FGF5: variants seen among roughly 807,000 people sequenced by gnomAD.
FGF5 encodes fibroblast growth factor 5, also known as heparin-binding growth factor 5.
A neutral mutation model predicts 21.8 loss-of-function variants in FGF5; 23 were observed. The ratio of observed to expected loss-of-function variants is 1.05; its 90% CI spans 0.76 to 1.49. The LOEUF is 1.49. Among genes scored for constraint, FGF5 ranks in the 40% most tolerant of loss-of-function variants. The pLI is 0.00. For missense variants in FGF5, 352 were observed against 332.9 expected, an observed-to-expected ratio of 1.06 and a Z score of -0.45; for synonymous variants, 158 against 124.0, an observed-to-expected ratio of 1.27 and a Z score of -1.82.
Position 80,290,910 on chromosome 4 carries a change from T to C in FGF5, c.*4238T>C, listed in dbSNP as rs1720887356. The C allele has an allele frequency of 6.6e-6, 1 of 152,224 alleles. No individual in the cohort carries two copies. Among genetic ancestry groups the C allele is most frequent in the South Asian group, 2.1e-4 (1 of 4,824 alleles). The allele number at this position is 152,224 out of a possible 1,614,324, so 9.4% of individuals were successfully genotyped here. ...TGCATAGTATTCCATGGTGTATATG[T>C]GCCACATTTTCTTAATCCAGTCTAT... is the stretch of plus-strand genomic sequence containing the variant. On this transcript the variant is annotated 3_prime_UTR_variant, in exon 3 of 3. Coordinates refer to ENST00000312465, the MANE Select transcript of FGF5 (RefSeq NM_004464.4).
chr4:80,269,984 G>T lies in FGF5; in HGVS notation c.355+2805G>T, dbSNP rs35362852. ...AGCTGTAAAAGAGAAACAGAAACTTGCTAATTACAATTGGTCATTTACCTC... is the reference window on the plus strand; with the variant it reads ...AGCTGTAAAAGAGAAACAGAAACTTTCTAATTACAATTGGTCATTTACCTC... On this transcript the variant is annotated intron_variant, in intron 1 of 2. Transcript: ENST00000312465. Among the ~76,000 whole-genome samples, 192 of 152,324 alleles carry T rather than the reference G, an allele frequency of 1.3e-3. 1 individual carries two copies. The highest frequency in any genetic ancestry group is 3.4e-3 in the Middle Eastern group (1 of 294).
At chr4:80,283,277 C>G (rs1223689665) in intron 2 of FGF5, among the ~76,000 whole-genome samples, 2 of 139,560 alleles carry the variant, frequency 1.4e-5, no homozygotes, top group African/African-American at 2.7e-5. Flanking sequence ...TAGAACTCTA[C>G]ACACTTCTAC....
At position 80,286,372 on chromosome 4, in the gene FGF5, T is replaced by C. The variant is rs1287374634; in HGVS notation, c.507T>C (p.Asn169=). 7 of 1,601,502 alleles carry C rather than the reference T, an allele frequency of 4.4e-6. No homozygotes were observed. The highest frequency in any genetic ancestry group is 2.7e-5 in the African/African-American group (2 of 74,356). The change falls in exon 3 of 3, where the codon AAT becomes AAC. Residue 169 remains asparagine, a synonymous_variant. Transcript: ENST00000312465. ...AGTTCAGGGAGCGTTTTCAAGAAAA[T>C]AGCTATAATACCTATGCCTCAGCAA... The part of the protein sequence containing the change: ...DCKFRERFQE[N]SYNTYASAIH...
In FGF5 at chr4:80,278,442, C is replaced by A. The variant is rs976502630; in HGVS notation, c.459+3430C>A. ...ATCTAGAGAAGAGGGGATGTGTCTG[C>A]CACAGAATTTTACAAATGTTGGTTA... On this transcript the variant is annotated intron_variant, in intron 2 of 2. Coordinates refer to ENST00000312465, the MANE Select transcript of FGF5 (RefSeq NM_004464.4). Among the ~76,000 whole-genome samples, 3 of 152,040 alleles carry A rather than the reference C, an allele frequency of 2.0e-5. No individual in the cohort carries two copies. In the East Asian group the frequency reaches 5.8e-4, roughly 29 times the overall value.
chr4:80,279,212 A>T (rs1468796222), intron 2 of FGF5, among the ~76,000 whole-genome samples: 1 of 152,186 alleles, frequency 6.6e-6, no homozygotes, highest in East Asian at 1.9e-4. Context: ...GTGTCATTTT[A>T]CTTCATCTTT....
At chr4:80,285,752 C>T (rs1407173359) in intron 2 of FGF5, among the ~76,000 whole-genome samples, 2 of 152,006 alleles carry the variant, frequency 1.3e-5, no homozygotes, top group East Asian at 1.9e-4. Flanking sequence ...AGTAAAGATA[C>T]GTTATTTTTT....
At chr4:80,268,727 G>A (rs1372380558) in intron 1 of FGF5, among the ~76,000 whole-genome samples, 1 of 152,234 alleles carries the variant, frequency 6.6e-6, no homozygotes, top group African/African-American at 2.4e-5. Flanking sequence ...GGCGCACGTG[G>A]TGAGGGCGCC....
intron 2 of FGF5, among the ~76,000 whole-genome samples, chr4:80,282,136 A>T (rs1409014891): frequency 6.6e-6 from 1 of 152,006 alleles, no homozygotes; most frequent in South Asian, 2.1e-4. Flanking sequence ...CTGATTTTGT[A>T]TTTTTAGTAC....
chr4:80,268,046 A>G (rs1720147950), intron 1 of FGF5, among the ~76,000 whole-genome samples: 2 of 152,186 alleles, frequency 1.3e-5, no homozygotes, highest in Non-Finnish European at 1.5e-5. Context: ...CAGATTTTGT[A>G]GGACTTTTTA....
chr4:80,274,638 T>C (rs967362584), intron 1 of FGF5, among the ~76,000 whole-genome samples: 15 of 152,134 alleles, frequency 9.9e-5, no homozygotes, highest in African/African-American at 3.6e-4. Context: ...TTCATGCTCA[T>C]TGTTTACTAA....
chr4:80,269,325 T>A (rs544628613), intron 1 of FGF5, among the ~76,000 whole-genome samples: 1 of 152,124 alleles, frequency 6.6e-6, no homozygotes, highest in Non-Finnish European at 1.5e-5. Context: ...AGGGTTTAGG[T>A]GTGCTAGAGA....
intron 2 of FGF5, among the ~76,000 whole-genome samples, 169 bp downstream of exon 2, chr4:80,275,181 A>C (rs1418416663): frequency 1.3e-5 from 2 of 152,032 alleles, no homozygotes; most frequent in African/African-American, 4.8e-5. Context: ...AGAAGTAATA[A>C]TTTAAATATT....
intron 2 of FGF5, among the ~76,000 whole-genome samples, chr4:80,279,713 G>A (rs1720504346): frequency 6.6e-6 from 1 of 152,124 alleles, no homozygotes; most frequent in South Asian, 2.1e-4. Flanking sequence ...TGGTTATCAT[G>A]TATTCTTCAG....
At position 80,289,998 on chromosome 4, in the gene FGF5, C is replaced by T. The variant is rs1356488206; in HGVS notation, c.*3326C>T. On this transcript the variant is annotated 3_prime_UTR_variant, in exon 3 of 3. Coordinates refer to ENST00000312465, the MANE Select transcript of FGF5 (RefSeq NM_004464.4). ...TTGAAATAGAAAATGTAATAACTTTCTTACCATTAACATTTTTTACCCTTC... is the reference window on the plus strand; with the variant it reads ...TTGAAATAGAAAATGTAATAACTTTTTTACCATTAACATTTTTTACCCTTC... 3 of 151,996 alleles carry T rather than the reference C, an allele frequency of 2.0e-5. No homozygotes were observed. Among genetic ancestry groups the T allele is most frequent in the Non-Finnish European group, 2.9e-5 (2 of 67,984 alleles). The allele number at this position is 151,996 out of a possible 1,614,324, so 9.4% of individuals were successfully genotyped here.
In FGF5 at chr4:80,267,079, G is replaced by T; in HGVS notation, c.255G>T (p.Gly85=). ...GCAGTTTCCAGTGGAGCCCCTCGGG[G>T]CGCCGGACCGGCAGCCTCTACTGCA... ...EQSSFQWSPS[G]RRTGSLYCRV... is the part of the protein sequence containing the mutation. The change falls in exon 1 of 3, where the codon GGG becomes GGT. Residue 85 remains glycine (G), a synonymous_variant. Transcript: ENST00000312465. The T allele has an allele frequency of 6.2e-7, 1 of 1,614,218 alleles. No individual in the cohort carries two copies. The highest frequency in any genetic ancestry group is 2.2e-5 in the East Asian group (1 of 44,884).
rs1438447505 is a variant in FGF5 at position 80,288,570 on chromosome 4, C to T, written c.*1898C>T. 6.6e-6 allele frequency: 1 copy of T among 151,980 alleles called. No homozygotes were observed. The highest frequency in any genetic ancestry group is 1.5e-5 in the Non-Finnish European group (1 of 67,974). The allele number at this position is 151,980 out of a possible 1,614,324, so 9.4% of individuals were successfully genotyped here. On this transcript the variant is annotated 3_prime_UTR_variant, in exon 3 of 3. Transcript: ENST00000312465. ...AACTCTCATCCAAATGGCATATGAC[C>T]CTGTTTACACAGCCTAAAGCTAAAA... is the stretch of plus-strand genomic sequence containing the variant.
chr4:80,270,825 C>T (rs1488224387), intron 1 of FGF5, among the ~76,000 whole-genome samples: 1 of 152,086 alleles, frequency 6.6e-6, no homozygotes, highest in Non-Finnish European at 1.5e-5. Context: ...ATAGAATCGT[C>T]GATGTTACTG....
chr4:80,289,066 T>C lies in FGF5; in HGVS notation c.*2394T>C, dbSNP rs111605934. On this transcript the variant is annotated 3_prime_UTR_variant, in exon 3 of 3. Coordinates refer to ENST00000312465, the MANE Select transcript of FGF5 (RefSeq NM_004464.4). ...TGGAGTGCAGTGGCATGATCTCGGC[T>C]CACTGCAACCTCCAACTCCCTGGTT... The C allele has an allele frequency of 1.3e-5, 2 of 151,558 alleles. No homozygotes were observed. The highest frequency in any genetic ancestry group is 2.9e-5 in the Non-Finnish European group (2 of 67,950). The allele number at this position is 151,558 out of a possible 1,614,324, so 9.4% of individuals were successfully genotyped here. A position where few individuals can be genotyped will look rare whatever the true frequency, so the allele number is the denominator to read the frequency against.
At chr4:80,271,398 A>AGG (rs1720268857) in intron 1 of FGF5, among the ~76,000 whole-genome samples, 1 of 151,266 alleles carries the variant, frequency 6.6e-6, no homozygotes, top group East Asian at 1.9e-4. Context: ...TTCCACAAAG[A>AGG]GAATAATTCC....
Sources: gnomAD v4.1 joint callset for allele counts (sites outside exome capture counted in the v4.1 genomes callset) on GRCh38, gnomAD v4.1.1 for gene constraint, MANE v1.5 for transcripts, NCBI Gene and HGNC (gene_info 2026-07-23, HGNC 2026-07-21) for gene names.